Variants in CNTN6 observed in about 807,000 individuals in gnomAD.
CNTN6 encodes contactin-6.
Under a neutral mutation model 122.8 loss-of-function variants are expected in CNTN6, and 137 were observed. The ratio of observed to expected loss-of-function variants is 1.12; its 90% CI spans 0.97 to 1.29. The LOEUF (loss-of-function observed/expected upper bound fraction) is 1.29, where lower values mean the gene tolerates loss of function less well. Among genes scored for constraint, CNTN6 ranks in the 50% most tolerant of loss-of-function variants. The pLI is 0.00. For missense variants in CNTN6, 1,634 were observed against 1,223.4 expected (o/e 1.34, Z -5.01); for synonymous variants, 570 against 426.0 (o/e 1.34, Z -4.16).
chr3:1,375,153 C>A lies in CNTN6; in HGVS notation c.2095+1080C>A, dbSNP rs375070179. Among the ~76,000 whole-genome samples the A allele has an allele frequency of 3.2e-3, 486 of 152,154 alleles. 3 individuals are homozygous for A. Among genetic ancestry groups the A allele is most frequent in the South Asian group, 0.017 (81 of 4,826 alleles). On this transcript the variant is annotated intron_variant, in intron 16 of 22. Coordinates refer to ENST00000446702, the MANE Select transcript of CNTN6 (RefSeq NM_001289080.2). The stretch of plus-strand genomic sequence containing the variant: ...ATTCCCCGGCCCTCCTATATACCCC[C>A]TGGATCAGAATCTTCAGGTGTTGTC...
At chr3:1,244,690 C>G (rs9867347) in intron 4 of CNTN6, among the ~76,000 whole-genome samples, 19 of 152,068 alleles carry the variant, frequency 1.2e-4, no homozygotes, top group Non-Finnish European at 2.9e-5. Context: ...TTTATTTCAC[C>G]TGGGTGCAGG....
intron 11 of CNTN6, among the ~76,000 whole-genome samples, chr3:1,346,637 C>T (rs1443765614): frequency 6.6e-6 from 1 of 152,134 alleles, no homozygotes; most frequent in Non-Finnish European, 1.5e-5. Context: ...GTGAGCCTTC[C>T]AGCCACCAGA....
chr3:1,150,609 A>T (rs545142250), intron 2 of CNTN6, among the ~76,000 whole-genome samples: 1 of 152,318 alleles, frequency 6.6e-6, no homozygotes, highest in East Asian at 1.9e-4. Context: ...TAGTATTTTT[A>T]AAATATTAGA....
At chr3:1,246,604 C>G (rs1338201593) in intron 4 of CNTN6, among the ~76,000 whole-genome samples, 1 of 152,060 alleles carries the variant, frequency 6.6e-6, no homozygotes, top group East Asian at 1.9e-4. Flanking sequence ...AAAGATAACA[C>G]CAAATTGTTG....
At chr3:1,271,401 G>A (rs980850017) in intron 4 of CNTN6, among the ~76,000 whole-genome samples, 11 of 152,014 alleles carry the variant, frequency 7.2e-5, no homozygotes, top group African/African-American at 2.4e-4. Context: ...GTAACTAAAG[G>A]GCCTTTAGGA....
rs952888903 is a variant in CNTN6 at position 1,282,981 on chromosome 3, C to CT, written c.454+4482dup. ...CAACAGAAAGAGACAACACAAAACT[C>CT]TTTTTTTTTGAGAGGGAGTCTCGCC... On this transcript the variant is annotated intron_variant, in intron 5 of 22. Transcript: ENST00000446702. Among the ~76,000 whole-genome samples the CT allele has an allele frequency of 4.0e-4, 61 of 151,298 alleles. 2 individuals are homozygous for CT. The highest frequency in any genetic ancestry group is 1.4e-3 in the Admixed American group (21 of 15,152).
intron 2 of CNTN6, among the ~76,000 whole-genome samples, chr3:1,185,332 T>C (rs1445882033): frequency 6.6e-6 from 1 of 151,998 alleles, no homozygotes; most frequent in Non-Finnish European, 1.5e-5. Context: ...AAATTGTTTA[T>C]TTAAAAAAGA....
intron 20 of CNTN6, among the ~76,000 whole-genome samples, chr3:1,399,562 A>G (rs879721711): frequency 9.2e-5 from 14 of 152,192 alleles, no homozygotes; most frequent in African/African-American, 2.4e-4. Context: ...ATGGATTGCT[A>G]TGAGTCTGAC....
At chr3:1,321,001 C>T (rs569171066) in intron 7 of CNTN6, among the ~76,000 whole-genome samples, 1 of 151,344 alleles carries the variant, frequency 6.6e-6, no homozygotes, top group East Asian at 1.9e-4. Context: ...CTTTGTTTTA[C>T]TTTTTTTTAA....
chr3:1,164,959 A>G (rs545459965), intron 2 of CNTN6, among the ~76,000 whole-genome samples: 1 of 152,326 alleles, frequency 6.6e-6, no homozygotes, highest in African/African-American at 2.4e-5. Context: ...TAACCCAAAT[A>G]AAGAAAAATG....
chr3:1,316,748 G>T (rs1159730125), intron 7 of CNTN6, among the ~76,000 whole-genome samples: 3 of 151,806 alleles, frequency 2.0e-5, no homozygotes, highest in Non-Finnish European at 4.4e-5. Context: ...TATTAACACA[G>T]AATGGTATCT....
intron 4 of CNTN6, among the ~76,000 whole-genome samples, chr3:1,250,442 G>A (rs556499583): frequency 5.9e-5 from 9 of 152,104 alleles, no homozygotes; most frequent in Admixed American, 3.3e-4. Context: ...TGAGCTCCAC[G>A]TTTTCACAGC....
At chr3:1,251,697 A>G (rs2094672656) in intron 4 of CNTN6, among the ~76,000 whole-genome samples, 1 of 152,086 alleles carries the variant, frequency 6.6e-6, no homozygotes, top group Non-Finnish European at 1.5e-5. Context: ...CATGAAGCTC[A>G]AAGATGTTAC....
At chr3:1,370,675 T>G (rs1444972045) in intron 12 of CNTN6, among the ~76,000 whole-genome samples, 3 of 151,874 alleles carry the variant, frequency 2.0e-5, no homozygotes, top group Non-Finnish European at 4.4e-5. Flanking sequence ...ATGGTGAAAC[T>G]CTGTCTCTGC....
At chr3:1,301,134 T>A (rs1697334733) in intron 7 of CNTN6, among the ~76,000 whole-genome samples, 1 of 150,308 alleles carries the variant, frequency 6.7e-6, no homozygotes, top group African/African-American at 2.4e-5. Flanking sequence ...CGTCCCCGGT[T>A]CAAGTGATTC....
At chr3:1,120,680 T>C (rs904284976) in intron 1 of CNTN6, among the ~76,000 whole-genome samples, 4 of 151,912 alleles carry the variant, frequency 2.6e-5, no homozygotes, top group Admixed American at 6.6e-5. Flanking sequence ...CATTTTTGAG[T>C]CCTAAGAAAT....
intron 1 of CNTN6, among the ~76,000 whole-genome samples, chr3:1,103,464 T>G (rs2091057442): frequency 6.6e-6 from 1 of 152,202 alleles, no homozygotes; most frequent in South Asian, 2.1e-4. Context: ...GAAGGAAGTT[T>G]TCTATCTGCT....
intron 2 of CNTN6, among the ~76,000 whole-genome samples, chr3:1,158,877 CACATATAT>C (rs1471395592): frequency 9.0e-6 from 1 of 110,574 alleles, no homozygotes; most frequent in African/African-American, 4.5e-5. Context: ...CATATATATA[CACATATAT>C]ACACACATAT....
At position 1,295,924 on chromosome 3, in the gene CNTN6, A is replaced by G. The variant is rs1361147782; in HGVS notation, c.658+120A>G. On this transcript the variant is annotated intron_variant, in intron 6 of 22. Transcript: ENST00000446702. ...GAGCCAAATTACGAGTTTAGGTTCA[A>G]TTCACAAATATGTAAACCAGAAATA... 11 of 771,448 alleles carry G rather than the reference A, an allele frequency of 1.4e-5. No homozygotes were observed. In the Admixed American group the frequency reaches 1.9e-4, roughly 13 times the overall value. The allele number at this position is 771,448 out of a possible 1,614,324, so 47.8% of individuals were successfully genotyped here.
Sources: allele counts gnomAD v4.1 joint callset (sites outside exome capture counted in the v4.1 genomes callset), GRCh38; gene constraint gnomAD v4.1.1; transcripts MANE v1.5; gene names NCBI Gene and HGNC (gene_info 2026-07-23, HGNC 2026-07-21).